ASAP1: variants seen among roughly 807,000 people sequenced by gnomAD.
ASAP1 encodes ArfGAP with SH3 domain, ankyrin repeat and PH domain 1.
In ASAP1, 43 loss-of-function variants were observed where a neutral mutation model predicts 145.2. The ratio of observed to expected loss-of-function variants is 0.30; its 90% CI spans 0.23 to 0.38. The LOEUF (loss-of-function observed/expected upper bound fraction) is 0.38. Ranked by LOEUF, ASAP1 falls within the 10% of genes least tolerant of loss-of-function variation. The pLI is 1.00. For synonymous variants in ASAP1, 546 were observed against 515.5 expected, an observed-to-expected ratio of 1.06 and a Z score of -0.80; for missense variants, 1,018 against 1,355.3, an observed-to-expected ratio of 0.75 and a Z score of 3.91.
At chr8:130,326,202 G>A (rs979675824) in intron 3 of ASAP1, among the ~76,000 whole-genome samples, 5 of 152,128 alleles carry the variant, frequency 3.3e-5, no homozygotes, top group African/African-American at 4.8e-5. Context: ...ACTTCCCAGC[G>A]CATATCCTTA....
chr8:130,440,309 C>A (rs567101052), intron 1 of ASAP1, among the ~76,000 whole-genome samples: 97 of 152,214 alleles, frequency 6.4e-4, no homozygotes, highest in Admixed American at 2.5e-3. Context: ...GAGTTTGAGA[C>A]CATCCTGATC....
At chr8:130,241,128 T>C (rs1263971422) in intron 3 of ASAP1, among the ~76,000 whole-genome samples, 1 of 152,078 alleles carries the variant, frequency 6.6e-6, no homozygotes, top group Non-Finnish European at 1.5e-5. Context: ...CTCAGGACAT[T>C]TGAACTAGTT....
intron 24 of ASAP1, among the ~76,000 whole-genome samples, chr8:130,095,580 C>T (rs560919521): frequency 6.6e-6 from 1 of 150,618 alleles, no homozygotes; most frequent in Non-Finnish European, 1.5e-5. Flanking sequence ...GGATTACAGG[C>T]GTGAGCCACC....
At chr8:130,350,469 A>G (rs1825932087) in intron 3 of ASAP1, among the ~76,000 whole-genome samples, 1 of 152,196 alleles carries the variant, frequency 6.6e-6, no homozygotes, top group African/African-American at 2.4e-5. Flanking sequence ...CTAGGAAGCC[A>G]ATCACCTCAA....
intron 3 of ASAP1, among the ~76,000 whole-genome samples, chr8:130,306,442 T>A (rs1822997664): frequency 6.6e-6 from 1 of 152,208 alleles, no homozygotes; most frequent in Non-Finnish European, 1.5e-5. Context: ...AAATGTTTTT[T>A]TAAAGCCACA....
At chr8:130,074,633 C>T (rs978302444) in intron 27 of ASAP1, among the ~76,000 whole-genome samples, 3 of 152,050 alleles carry the variant, frequency 2.0e-5, no homozygotes, top group African/African-American at 7.2e-5. Context: ...GGAGTCTGTC[C>T]CCGAGGGGGT....
Position 130,060,972 on chromosome 8 carries a change from C to G in ASAP1, c.2799G>C (p.Lys933Asn). 1.3e-6 allele frequency: 2 copies of G among 1,592,758 alleles called. No homozygotes were observed. The highest frequency in any genetic ancestry group is 1.7e-6 in the Non-Finnish European group (2 of 1,171,298). Residue 933 changes from lysine (K) to asparagine (N), a missense_variant, in exon 28 of 30, where the codon AAG becomes AAC. Physicochemically the swap from Lys to Asn is moderately conservative, Grantham distance 94 (BLOSUM62 0). Coordinates refer to ENST00000518721, the MANE Select transcript of ASAP1 (RefSeq NM_018482.4). ...KSSQLAELPQ[K>N]PPPGDLPPKP... ...TTGGGGGCAGGTCTCCAGGTGGTGG[C>G]TTTTGTGGCAACTCTGCCAACTGTG...
rs115670436 is a variant in ASAP1 at position 130,254,324 on chromosome 8, G to T, written c.187-17330C>A. ...TAAAAAGTGCATTGTTAAAATTCACGGCACTTAAAACAAGAATGTGACTAG... is the reference window on the plus strand; with the variant it reads ...TAAAAAGTGCATTGTTAAAATTCACTGCACTTAAAACAAGAATGTGACTAG... On this transcript the variant is annotated intron_variant, in intron 3 of 29. Coordinates refer to ENST00000518721, the MANE Select transcript of ASAP1 (RefSeq NM_018482.4). 2.6e-5 allele frequency among the ~76,000 whole-genome samples: 4 copies of T among 152,086 alleles called. No homozygotes were observed. In the South Asian group the frequency reaches 8.3e-4, roughly 32 times the overall value.
chr8:130,147,676 A>G (rs1312980927), intron 13 of ASAP1, among the ~76,000 whole-genome samples: 1 of 152,240 alleles, frequency 6.6e-6, no homozygotes, highest in African/African-American at 2.4e-5. Flanking sequence ...TAAAAGGCAC[A>G]TACAATAAGA....
chr8:130,133,133 A>G (rs1486808608), intron 15 of ASAP1, among the ~76,000 whole-genome samples: 1 of 152,000 alleles, frequency 6.6e-6, no homozygotes, highest in African/African-American at 2.4e-5. Flanking sequence ...AATTACCCCA[A>G]GTACTCATTA....
At chr8:130,355,416 A>C (rs1167314781) in intron 3 of ASAP1, among the ~76,000 whole-genome samples, 1 of 152,240 alleles carries the variant, frequency 6.6e-6, no homozygotes, top group East Asian at 1.9e-4. Flanking sequence ...GGTACTTACT[A>C]GAACTAGGAA....
chr8:130,419,750 G>A (rs1181121915), intron 1 of ASAP1, among the ~76,000 whole-genome samples: 1 of 152,056 alleles, frequency 6.6e-6, no homozygotes, highest in Non-Finnish European at 1.5e-5. Context: ...TCTTCCCTGG[G>A]GCTCCCTCTC....
intron 3 of ASAP1, among the ~76,000 whole-genome samples, chr8:130,348,695 G>C (rs1825830604): frequency 6.6e-6 from 1 of 152,172 alleles, no homozygotes. Flanking sequence ...TTCAAGGAGA[G>C]ATCTCTTTTG....
intron 1 of ASAP1, among the ~76,000 whole-genome samples, chr8:130,408,933 G>T (rs1356588613): frequency 6.6e-6 from 1 of 152,134 alleles, no homozygotes. Context: ...ACCCCATTTG[G>T]TATCATTTCC....
chr8:130,297,260 C>A (rs1222764158), intron 3 of ASAP1, among the ~76,000 whole-genome samples: 1 of 152,182 alleles, frequency 6.6e-6, no homozygotes, highest in Non-Finnish European at 1.5e-5. Flanking sequence ...CCCCATGCAT[C>A]AAAATCTGTG....
chr8:130,091,997 G>A lies in ASAP1; in HGVS notation c.2548C>T (p.Pro850Ser), dbSNP rs2097506563. The change falls in exon 25 of 30, where the codon CCA (proline) becomes TCA (serine). Residue 850 changes from proline to serine, a missense_variant. Around this residue, in one of 9 missense-constraint regions of ASAP1, gnomAD observed 353 missense variants for 375.4 expected, o/e 0.94. Coordinates refer to ENST00000518721, the MANE Select transcript of ASAP1 (RefSeq NM_018482.4). Reference protein sequence around the residue: ...DPPSPLPHGPPNKGAVPWGND... With the variant: ...DPPSPLPHGPSNKGAVPWGND... The stretch of plus-strand genomic sequence containing the variant: ...CCCCAAGGAACTGCGCCTTTGTTTG[G>A]GGGCCCATGAGGTAGTGGGCTGGGA... 1.3e-6 allele frequency: 2 copies of A among 1,559,962 alleles called. No homozygotes were observed. Among genetic ancestry groups the A allele is most frequent in the East Asian group, 2.5e-5 (1 of 40,472 alleles).
chr8:130,300,113 T>C (rs867019473), intron 3 of ASAP1, among the ~76,000 whole-genome samples: 4 of 72,896 alleles, frequency 5.5e-5, no homozygotes, highest in Admixed American at 1.7e-4. Context: ...AAAAGAAAAA[T>C]ACACACACAC....
chr8:130,185,922 A>C (rs1814695143), intron 7 of ASAP1, among the ~76,000 whole-genome samples: 1 of 152,134 alleles, frequency 6.6e-6, no homozygotes, highest in African/African-American at 2.4e-5. Context: ...ATATAAATAA[A>C]GTTGTACTAC....
intron 11 of ASAP1, chr8:130,160,640 G>A: frequency 5.3e-6 from 2 of 377,438 alleles, no homozygotes; most frequent in South Asian, 4.9e-5. Context: ...TTTAACCATA[G>A]TTTCTAAGGA....
Sources: gnomAD v4.1 joint callset for allele counts (sites outside exome capture counted in the v4.1 genomes callset) on GRCh38, gnomAD v4.1.1 for gene constraint, gnomAD v4.1.1 regional missense constraint, MANE v1.5 for transcripts, NCBI Gene and HGNC (gene_info 2026-07-23, HGNC 2026-07-21) for gene names.